The following SLC6A5 variants were observed in gnomAD, a reference collection of about 807,000 sequenced individuals.
SLC6A5 encodes the protein solute carrier family 6 member 5.
In SLC6A5, 58 loss-of-function variants were observed where a neutral mutation model predicts 90.5. The observed-to-expected ratio is 0.64, with a 90% confidence interval of 0.52 to 0.80. The LOEUF is 0.80. SLC6A5 is among the 30% of genes least tolerant of loss of function. The probability of loss-of-function intolerance (pLI) is 0.00; values close to 1 mark genes in which losing one functional copy is unlikely to be tolerated. For synonymous variants in SLC6A5, 427 were observed against 401.4 expected (o/e 1.06, Z -0.76); for missense variants, 1,015 against 1,017.6 (o/e 1.00, Z 0.03).
At chr11:20,643,723 C>A (rs1052601698) in intron 13 of SLC6A5, among the ~76,000 whole-genome samples, 1 of 152,208 alleles carries the variant, frequency 6.6e-6, no homozygotes, top group African/African-American at 2.4e-5. Context: ...TCAGCTGCAA[C>A]CTAAGGCATT....
Position 20,605,155 on chromosome 11 carries a change from C to T in SLC6A5, c.679+731C>T, listed in dbSNP as rs889933384. Among the ~76,000 whole-genome samples, 12 of 152,202 alleles carry T rather than the reference C, an allele frequency of 7.9e-5. No individual in the cohort carries two copies. In the East Asian group the frequency reaches 2.3e-3, roughly 30 times the overall value. ...CTGGCACATTCACGATCCCTCTGGC[C>T]CTCCCAGCGTTTGGGTGCCGCGGGG... On this transcript the variant is annotated intron_variant, in intron 3 of 15. Coordinates refer to ENST00000525748, the MANE Select transcript of SLC6A5 (RefSeq NM_004211.5).
chr11:20,606,865 A>G, intron 3 of SLC6A5, 142 bp from the exon 4 acceptor site: 2 of 957,664 alleles, frequency 2.1e-6, no homozygotes, highest in South Asian at 1.4e-5. Context: ...CTGAAACAGG[A>G]CATCAAAGGG....
Position 20,654,811 on chromosome 11 carries a change from C to G in SLC6A5, c.2337C>G (p.Thr779=). 3 of 1,614,178 alleles carry G rather than the reference C, an allele frequency of 1.9e-6. No homozygotes were observed. Among genetic ancestry groups the G allele is most frequent in the Non-Finnish European group, 1.7e-6 (2 of 1,180,030 alleles). Residue 779 remains threonine (T), a synonymous_variant, in exon 16 of 16, where the codon ACC becomes ACG. Transcript: ENST00000525748. ...RYKNMIDPLG[T]SSLGLKLPVK... ...AGAACATGATCGACCCCTTGGGAAC[C>G]TCTTCCTTGGGACTCAAACTGCCAG...
chr11:20,658,796 G>A lies in SLC6A5; in HGVS notation c.*3928G>A, dbSNP rs1452257898. 1.3e-5 allele frequency: 2 copies of A among 152,078 alleles called. No individual in the cohort carries two copies. Among genetic ancestry groups the A allele is most frequent in the Non-Finnish European group, 2.9e-5 (2 of 68,022 alleles). The allele number at this position is 152,078 out of a possible 1,614,324, so 9.4% of individuals were successfully genotyped here. ...TCAGGTAACCATTTGCCTTACAGGT[G>A]TATTTTACTGTTAGGATGATTCTTA... On this transcript the variant is annotated 3_prime_UTR_variant, in exon 16 of 16. Coordinates refer to ENST00000525748, the MANE Select transcript of SLC6A5 (RefSeq NM_004211.5).
rs2133800213 is a variant in SLC6A5 at position 20,628,078 on chromosome 11, C to T, written c.1494C>T (p.Cys498=). Residue 498 remains cysteine, a synonymous_variant, in exon 9 of 16, where the codon TGC becomes TGT. Transcript: ENST00000525748. ...LSSYNKFHNN[C]YRDTLIVTCT... ...CTTACAACAAATTCCACAACAACTG[C>T]TACAGGTATGTAGAGGTACTACAAG... 6.2e-7 allele frequency: 1 copy of T among 1,611,948 alleles called. No homozygotes were observed. The highest frequency in any genetic ancestry group is 2.2e-5 in the East Asian group (1 of 44,872).
chr11:20,652,344 G>A lies in SLC6A5; in HGVS notation c.2126G>A (p.Arg709His), dbSNP rs1408524137. ...GAGCCCATGACCTATGGCTCTTACC[G>A]CTATCCTAACTGGTCCATGGTGCTC... is the stretch of plus-strand genomic sequence containing the variant. ...QWEPMTYGSY[R>H]YPNWSMVLGW... The change falls in exon 15 of 16, where the codon CGC becomes CAC. Residue 709 changes from arginine to histidine, a missense_variant. Physicochemically the swap from Arg to His is conservative, Grantham distance 29. Transcript: ENST00000525748. 1.1e-5 allele frequency: 17 copies of A among 1,613,856 alleles called. No homozygotes were observed. The highest frequency in any genetic ancestry group is 2.2e-5 in the South Asian group (2 of 91,080).
chr11:20,614,949 G>A, intron 6 of SLC6A5, 129 bp downstream of exon 6: 1 of 911,670 alleles, frequency 1.1e-6, no homozygotes, highest in Non-Finnish European at 1.8e-6. Flanking sequence ...TTTTTCCCTG[G>A]TTTGGCTTCC....
Position 20,607,146 on chromosome 11 carries a change from C to T in SLC6A5, c.811+8C>T. The T allele has an allele frequency of 2.5e-6, 4 of 1,608,000 alleles. No homozygotes were observed. The highest frequency in any genetic ancestry group is 1.3e-5 in the African/African-American group (1 of 74,962). On this transcript the variant is annotated splice_region_variant and intron_variant, in intron 4 of 15. Coordinates refer to ENST00000525748, the MANE Select transcript of SLC6A5 (RefSeq NM_004211.5). ...CCATCCCAGCTCTACAAGGTGAGTC[C>T]AGCCTGCCGCTCAGCCTCCTCAGGC...
At chr11:20,614,848 A>G (rs1852756539) in intron 6 of SLC6A5, 28 bp downstream of exon 6, 1 of 1,590,124 alleles carries the variant, frequency 6.3e-7, no homozygotes, top group Non-Finnish European at 8.6e-7. Context: ...TTCCTTTTTT[A>G]CCTTCTAAGA....
chr11:20,601,320 G>T lies in SLC6A5; in HGVS notation c.195G>T (p.Ala65=). Residue 65 remains alanine, a synonymous_variant, in exon 2 of 16, where the codon GCG becomes GCT. Coordinates refer to ENST00000525748, the MANE Select transcript of SLC6A5 (RefSeq NM_004211.5). ...ASTGAQTFQS[A]DARACEAERP... ...CCGGCGCCCAAACTTTCCAGTCAGC[G>T]GACGCGCGAGCCTGCGAGGCTGAGC... 6.3e-7 allele frequency: 1 copy of T among 1,593,242 alleles called. No homozygotes were observed. The highest frequency in any genetic ancestry group is 2.3e-5 in the East Asian group (1 of 44,178).
At position 20,614,734 on chromosome 11, in the gene SLC6A5, C is replaced by T. The variant is rs1279065567; in HGVS notation, c.1041C>T (p.Cys347=). 1.9e-6 allele frequency: 3 copies of T among 1,613,746 alleles called. No individual in the cohort carries two copies. The East Asian group carries it at 6.7e-5, about 36-fold the overall frequency. ...TACAGATCAAGAACTCGACTTTCTG[C>T]ATGACCGCTTATCCCAACGTGACAA... ...PKIQIKNSTF[C]MTAYPNVTMV... The change falls in exon 6 of 16, where the codon TGC becomes TGT. Residue 347 remains cysteine, a synonymous_variant. Coordinates refer to ENST00000525748, the MANE Select transcript of SLC6A5 (RefSeq NM_004211.5).
At chr11:20,640,763 T>G (rs1853298014) in intron 13 of SLC6A5, among the ~76,000 whole-genome samples, 1 of 151,836 alleles carries the variant, frequency 6.6e-6, no homozygotes, top group African/African-American at 2.4e-5. Flanking sequence ...AGACAGTGTA[T>G]TCTTTATTGA....
chr11:20,655,300 G>T lies in SLC6A5; in HGVS notation c.*432G>T. Reference sequence around the variant, plus strand: ...CAGAACTGAGCAATGTGGTGATCTTGTTCAGACACACAAAGTTCAAGACAG... The same window carrying T: ...CAGAACTGAGCAATGTGGTGATCTTTTTCAGACACACAAAGTTCAAGACAG... On this transcript the variant is annotated 3_prime_UTR_variant, in exon 16 of 16. Coordinates refer to ENST00000525748, the MANE Select transcript of SLC6A5 (RefSeq NM_004211.5). 1 of 233,160 alleles carries T rather than the reference G, an allele frequency of 4.3e-6. No homozygotes were observed. The allele number at this position is 233,160 out of a possible 1,614,324, so 14.4% of individuals were successfully genotyped here. A position where few individuals can be genotyped will look rare whatever the true frequency, so the allele number is the denominator to read the frequency against.
intron 5 of SLC6A5, among the ~76,000 whole-genome samples, chr11:20,611,820 T>C (rs887388179): frequency 6.6e-6 from 1 of 151,062 alleles, no homozygotes; most frequent in Non-Finnish European, 1.5e-5. Flanking sequence ...GTGCAGCCCC[T>C]CCATCTGTCA....
rs563819967 is a variant in SLC6A5 at position 20,605,663 on chromosome 11, C to A, written c.679+1239C>A. Among the ~76,000 whole-genome samples, 2 of 152,344 alleles carry A rather than the reference C, an allele frequency of 1.3e-5. 1 individual carries two copies. Among genetic ancestry groups the A allele is most frequent in the East Asian group, 3.9e-4 (2 of 5,162 alleles). Reference sequence around the variant, plus strand: ...GGGAGTTCCAGCAAAAGGAGGTTGGCCCGCGCAAGTGCCCGCGCTTTGCCC... The same window carrying A: ...GGGAGTTCCAGCAAAAGGAGGTTGGACCGCGCAAGTGCCCGCGCTTTGCCC... On this transcript the variant is annotated intron_variant, in intron 3 of 15. Transcript: ENST00000525748.
At chr11:20,607,222 C>T in intron 4 of SLC6A5, 84 bp downstream of exon 4, 1 of 1,522,638 alleles carries the variant, frequency 6.6e-7, no homozygotes, top group African/African-American at 1.4e-5. Context: ...GGAGGGAGAC[C>T]TGCCTTTGTG....
At chr11:20,603,991 G>A (rs1485412527) in intron 2 of SLC6A5, among the ~76,000 whole-genome samples, 1 of 152,018 alleles carries the variant, frequency 6.6e-6, no homozygotes, top group Non-Finnish European at 1.5e-5. Flanking sequence ...GCTTGCTGGT[G>A]CGCCCTGACT....
chr11:20,603,807 G>C (rs1397223404), intron 2 of SLC6A5, among the ~76,000 whole-genome samples: 1 of 152,134 alleles, frequency 6.6e-6, no homozygotes, highest in Non-Finnish European at 1.5e-5. Flanking sequence ...TGGCTGAGGA[G>C]GAGGTGTGGT....
chr11:20,616,066 A>C (rs151316086), intron 6 of SLC6A5, among the ~76,000 whole-genome samples: 1 of 152,230 alleles, frequency 6.6e-6, no homozygotes, highest in Non-Finnish European at 1.5e-5. Context: ...TAAATCAATG[A>C]GCCTCCAGTT....
Sources: gnomAD v4.1 joint callset for allele counts (sites outside exome capture counted in the v4.1 genomes callset) on GRCh38, gnomAD v4.1.1 for gene constraint, MANE v1.5 for transcripts, NCBI Gene and HGNC (gene_info 2026-07-23, HGNC 2026-07-21) for gene names.